The following NIBAN1 variants were observed in gnomAD, a reference collection of about 807,000 sequenced individuals.
NIBAN1 encodes the protein protein Niban 1.
Under a neutral mutation model 75.1 loss-of-function variants are expected in NIBAN1, and 81 were observed. The observed-to-expected ratio is 1.08, with a 90% CI of 0.90 to 1.30. NIBAN1 has a LOEUF of 1.30. Ranked by LOEUF, NIBAN1 falls within the 50% of genes most tolerant of loss-of-function variation. The probability of loss-of-function intolerance (pLI) is 0.00; values close to 1 mark genes in which losing one functional copy is unlikely to be tolerated. For missense variants in NIBAN1, 1,133 were observed against 1,128.1 expected, an observed-to-expected ratio of 1.00 and a Z score of -0.06; for synonymous variants, 436 against 424.8, an observed-to-expected ratio of 1.03 and a Z score of -0.32.
Position 184,795,049 on chromosome 1 carries a change from C to T in NIBAN1, c.2715G>A (p.Leu905=). ...VEDAPNPDVL[L]SHKDDVKEGE... ...CCTCCTTCACGTCATCTTTGTGTGA[C>T]AGCAGGACATCCGGGTTTGGAGCAT... Residue 905 remains leucine (L), a synonymous_variant, in exon 14 of 14, where the codon CTG becomes CTA. Transcript: ENST00000367511. 6.2e-7 allele frequency: 1 copy of T among 1,613,934 alleles called. No individual in the cohort carries two copies. The highest frequency in any genetic ancestry group is 8.5e-7 in the Non-Finnish European group (1 of 1,180,044).
chr1:184,839,916 G>A (rs765279687), intron 5 of NIBAN1, among the ~76,000 whole-genome samples: 7 of 151,892 alleles, frequency 4.6e-5, no homozygotes, highest in Non-Finnish European at 7.4e-5. Context: ...TAATTTTAAG[G>A]TTATTTTAAA....
chr1:184,965,022 G>A (rs140218294), intron 1 of NIBAN1, among the ~76,000 whole-genome samples: 2,668 of 152,264 alleles, frequency 0.018, 73 homozygotes, highest in African/African-American at 0.06. Context: ...ACACAGGGCC[G>A]GGCGCGGCGG....
At chr1:184,883,010 C>T (rs541404267) in intron 5 of NIBAN1, among the ~76,000 whole-genome samples, 4 of 152,238 alleles carry the variant, frequency 2.6e-5, no homozygotes, top group South Asian at 2.1e-4. Flanking sequence ...GCAAAACAGA[C>T]TGACCTTATC....
chr1:184,941,824 A>G (rs577556942), intron 1 of NIBAN1, among the ~76,000 whole-genome samples: 1 of 152,342 alleles, frequency 6.6e-6, no homozygotes, highest in South Asian at 2.1e-4. Flanking sequence ...GTAATAACAC[A>G]GATTGATGTC....
chr1:184,875,888 A>T (rs1383384831), intron 5 of NIBAN1, among the ~76,000 whole-genome samples: 4 of 152,192 alleles, frequency 2.6e-5, no homozygotes, highest in African/African-American at 9.6e-5. Flanking sequence ...TAAGGAGTTG[A>T]TAAGGCCAGG....
chr1:184,874,407 T>C (rs1427348378), intron 5 of NIBAN1, among the ~76,000 whole-genome samples: 2 of 152,082 alleles, frequency 1.3e-5, no homozygotes. Context: ...ATTTAAGTGA[T>C]AAACATCTCT....
chr1:184,949,299 A>C (rs1434278657), intron 1 of NIBAN1, among the ~76,000 whole-genome samples: 1 of 152,226 alleles, frequency 6.6e-6, no homozygotes, highest in Non-Finnish European at 1.5e-5. Flanking sequence ...CAGACCTTGC[A>C]GTAAGCCGAG....
intron 10 of NIBAN1, among the ~76,000 whole-genome samples, chr1:184,807,537 C>A (rs1449020052): frequency 6.6e-6 from 1 of 152,150 alleles, no homozygotes; most frequent in Non-Finnish European, 1.5e-5. Flanking sequence ...CCTGTAATCC[C>A]AGCACTTTGG....
intron 1 of NIBAN1, among the ~76,000 whole-genome samples, chr1:184,951,755 C>G (rs1375242127): frequency 1.3e-5 from 2 of 152,092 alleles, no homozygotes; most frequent in South Asian, 2.1e-4. Flanking sequence ...TGGCGTTCCT[C>G]TCCTCGAAAC....
intron 1 of NIBAN1, among the ~76,000 whole-genome samples, chr1:184,953,778 A>AT (rs1658418166): frequency 6.6e-6 from 1 of 152,220 alleles, no homozygotes; most frequent in Non-Finnish European, 1.5e-5. Flanking sequence ...GAAACATGAA[A>AT]TGTGTGAGTA....
chr1:184,831,732 C>G lies in NIBAN1; in HGVS notation c.717+115G>C, dbSNP rs1195687013. Reference sequence around the variant, plus strand: ...ACATGAGAGAGATGGTCTTTGGAACCACATCTTCCATACTTGCAACTTTTC... The same window carrying G: ...ACATGAGAGAGATGGTCTTTGGAACGACATCTTCCATACTTGCAACTTTTC... On this transcript the variant is annotated intron_variant, in intron 6 of 13. Coordinates refer to ENST00000367511, the MANE Select transcript of NIBAN1 (RefSeq NM_052966.4). The G allele has an allele frequency of 6.9e-6, 5 of 725,928 alleles. No individual in the cohort carries two copies. The Admixed American group carries it at 7.5e-5, about 11-fold the overall frequency. 45.0% of individuals were successfully genotyped at this position (725,928 alleles called of 1,614,324 possible).
intron 1 of NIBAN1, among the ~76,000 whole-genome samples, chr1:184,964,292 G>C (rs959026349): frequency 2.6e-5 from 4 of 152,162 alleles, no homozygotes; most frequent in African/African-American, 9.7e-5. Flanking sequence ...GATTTTCCGA[G>C]TGCTCTAAAG....
chr1:184,874,597 C>T (rs1044080173), intron 5 of NIBAN1, among the ~76,000 whole-genome samples: 7 of 151,554 alleles, frequency 4.6e-5, no homozygotes, highest in African/African-American at 1.7e-4. Context: ...TATGTGTGTG[C>T]TTATATATAC....
At chr1:184,930,252 T>C (rs1369417126) in intron 1 of NIBAN1, among the ~76,000 whole-genome samples, 1 of 152,204 alleles carries the variant, frequency 6.6e-6, no homozygotes. Flanking sequence ...ATTTTGCAAA[T>C]GATCGGCAAT....
In NIBAN1 at chr1:184,795,235, G is replaced by C. The variant is rs758807188; in HGVS notation, c.2529C>G (p.Gly843=). Residue 843 remains glycine, a synonymous_variant, in exon 14 of 14, where the codon GGC becomes GGG. Transcript: ENST00000367511. ...AGATGGGGTCAGAACCTAAGGTGCA[G>C]CCCTCTTGCTGTGAGGCATCCCCTT... ...TEEGDASQQE[G]CTLGSDPICL... is the part of the protein sequence containing the mutation. 1 of 1,613,780 alleles carries C rather than the reference G, an allele frequency of 6.2e-7. No individual in the cohort carries two copies. Among genetic ancestry groups the C allele is most frequent in the African/African-American group, 1.3e-5 (1 of 75,064 alleles).
At chr1:184,907,450 A>G (rs1339304012) in intron 1 of NIBAN1, among the ~76,000 whole-genome samples, 1 of 152,216 alleles carries the variant, frequency 6.6e-6, no homozygotes, top group Non-Finnish European at 1.5e-5. Context: ...GTTCTAAAAA[A>G]TAAAATAGAT....
chr1:184,901,156 T>C (rs1656945481), intron 1 of NIBAN1, among the ~76,000 whole-genome samples: 3 of 152,174 alleles, frequency 2.0e-5, no homozygotes, highest in Non-Finnish European at 1.5e-5. Flanking sequence ...GTTTGGGAAT[T>C]TAGGTCTTAT....
chr1:184,891,881 C>A (rs947771227), intron 3 of NIBAN1, among the ~76,000 whole-genome samples: 3 of 152,024 alleles, frequency 2.0e-5, no homozygotes, highest in Non-Finnish European at 1.5e-5. Context: ...TGACAAACTG[C>A]GTGGACTTTA....
At chr1:184,875,983 G>A (rs1439308593) in intron 5 of NIBAN1, among the ~76,000 whole-genome samples, 1 of 151,990 alleles carries the variant, frequency 6.6e-6, no homozygotes, top group African/African-American at 2.4e-5. Context: ...AGACCAGCCT[G>A]ACCAACATGG....
Sources: allele counts gnomAD v4.1 joint callset (sites outside exome capture counted in the v4.1 genomes callset), GRCh38; gene constraint gnomAD v4.1.1; transcripts MANE v1.5; gene names NCBI Gene and HGNC (gene_info 2026-07-23, HGNC 2026-07-21).